The following EPHA4 variants were observed in gnomAD, a reference collection of about 807,000 sequenced individuals.
EPHA4 encodes ephrin type-A receptor 4.
In EPHA4, 19 loss-of-function variants were observed where a neutral mutation model predicts 108.3. The observed-to-expected ratio is 0.18, with a 90% CI of 0.12 to 0.26. EPHA4 has a LOEUF of 0.26. Among genes scored for constraint, EPHA4 ranks in the 10% least tolerant of loss-of-function variants. The pLI is 1.00. For missense variants in EPHA4, 917 were observed against 1,254.0 expected, an observed-to-expected ratio of 0.73 and a Z score of 4.06; for synonymous variants, 449 against 455.5, an observed-to-expected ratio of 0.99 and a Z score of 0.18.
chr2:221,488,916 C>G (rs1692058060), intron 4 of EPHA4, among the ~76,000 whole-genome samples: 1 of 152,176 alleles, frequency 6.6e-6, no homozygotes, highest in African/African-American at 2.4e-5. Flanking sequence ...ATGGATTAGA[C>G]TAAAATTTAA....
intron 16 of EPHA4, 120 bp from the exon 17 acceptor site, chr2:221,426,262 G>C: frequency 9.5e-7 from 1 of 1,050,152 alleles, no homozygotes; most frequent in Non-Finnish European, 1.4e-6. Context: ...CAACAAGGCA[G>C]GTGTATTAAA....
Position 221,572,188 on chromosome 2 carries a change from T to G in EPHA4, c.61A>C (p.Thr21Pro). ...TTCGCGGGGTATACCCTGGAACCTG[T>G]GACAGCGTCGCAAATCCCGAAGAGA... is the stretch of plus-strand genomic sequence containing the variant. ...SCLFGICDAVTGSRVYPANEV... is the reference protein window; with the variant it reads ...SCLFGICDAVPGSRVYPANEV... Residue 21 changes from threonine (T) to proline (P), a missense_variant, in exon 1 of 18, where the codon ACA (threonine) becomes CCA (proline). Transcript: ENST00000281821. 1 of 1,614,118 alleles carries G rather than the reference T, an allele frequency of 6.2e-7. No individual in the cohort carries two copies.
chr2:221,493,110 T>C (rs971184159), intron 4 of EPHA4, among the ~76,000 whole-genome samples: 8 of 152,214 alleles, frequency 5.3e-5, no homozygotes, highest in Non-Finnish European at 1.2e-4. Flanking sequence ...CTTTTCTAAC[T>C]AGTCTTTCAC....
At chr2:221,509,358 A>T (rs1008533789) in intron 3 of EPHA4, among the ~76,000 whole-genome samples, 2 of 152,184 alleles carry the variant, frequency 1.3e-5, no homozygotes, top group Non-Finnish European at 2.9e-5. Context: ...AATTACTAAA[A>T]ACTTAAACTT....
intron 2 of EPHA4, among the ~76,000 whole-genome samples, chr2:221,566,674 G>A (rs1018025426): frequency 2.0e-5 from 3 of 151,350 alleles, no homozygotes; most frequent in African/African-American, 4.9e-5. Context: ...GTACTGGGTC[G>A]TATACAGTCA....
intron 8 of EPHA4, among the ~76,000 whole-genome samples, chr2:221,453,058 C>T (rs1159549868): frequency 1.3e-5 from 2 of 152,038 alleles, no homozygotes; most frequent in Non-Finnish European, 2.9e-5. Flanking sequence ...GTATTTAGGG[C>T]CACTTATACC....
At chr2:221,548,122 G>C (rs1694051316) in intron 3 of EPHA4, among the ~76,000 whole-genome samples, 1 of 152,164 alleles carries the variant, frequency 6.6e-6, no homozygotes, top group Non-Finnish European at 1.5e-5. Flanking sequence ...TTTCATGAAT[G>C]GGTTAGCACC....
At chr2:221,507,258 T>C (rs1692660097) in intron 3 of EPHA4, among the ~76,000 whole-genome samples, 1 of 152,192 alleles carries the variant, frequency 6.6e-6, no homozygotes, top group African/African-American at 2.4e-5. Flanking sequence ...AAAGTGCATG[T>C]TCTTGTCATC....
chr2:221,555,143 C>T (rs1031837953), intron 3 of EPHA4, among the ~76,000 whole-genome samples: 1 of 151,998 alleles, frequency 6.6e-6, no homozygotes, highest in Non-Finnish European at 1.5e-5. Flanking sequence ...GCAGGGGGGC[C>T]GGAGAGTGAC....
At chr2:221,525,849 T>C (rs114772734) in intron 3 of EPHA4, among the ~76,000 whole-genome samples, 173 of 152,284 alleles carry the variant, frequency 1.1e-3, no homozygotes, top group African/African-American at 4.0e-3. Flanking sequence ...CAAGTACTTT[T>C]AGGGACTGTG....
At chr2:221,565,146 C>G (rs971011261) in intron 2 of EPHA4, among the ~76,000 whole-genome samples, 4 of 152,132 alleles carry the variant, frequency 2.6e-5, no homozygotes, top group Admixed American at 6.5e-5. Context: ...AACAGACATG[C>G]TTTGCTTCTA....
chr2:221,473,132 G>A lies in EPHA4; in HGVS notation c.1318+9220C>T, dbSNP rs367866663. Among the ~76,000 whole-genome samples, 5 of 152,130 alleles carry A rather than the reference G, an allele frequency of 3.3e-5. No individual in the cohort carries two copies. The South Asian group carries it at 6.2e-4, about 19-fold the overall frequency. On this transcript the variant is annotated intron_variant, in intron 5 of 17. Coordinates refer to ENST00000281821, the MANE Select transcript of EPHA4 (RefSeq NM_004438.5). ...ACCATCTCTCGTTTTTATCATTGCC[G>A]TTTCAGGGGAGCCTGGGGAACCTCT... is the stretch of plus-strand genomic sequence containing the variant.
chr2:221,432,498 T>C (rs1182350888), intron 14 of EPHA4, among the ~76,000 whole-genome samples: 1 of 152,226 alleles, frequency 6.6e-6, no homozygotes, highest in Non-Finnish European at 1.5e-5. Flanking sequence ...TTAGGCTAGC[T>C]GCTTTCTTCC....
chr2:221,537,605 A>G (rs898394173), intron 3 of EPHA4, among the ~76,000 whole-genome samples: 1 of 152,196 alleles, frequency 6.6e-6, no homozygotes, highest in African/African-American at 2.4e-5. Context: ...CAGGGCCACA[A>G]AATAAGACCA....
intron 3 of EPHA4, among the ~76,000 whole-genome samples, chr2:221,522,092 G>A (rs1044903504): frequency 6.6e-6 from 1 of 152,178 alleles, no homozygotes; most frequent in Non-Finnish European, 1.5e-5. Flanking sequence ...ACTAGGCCAG[G>A]CACTTCAAAT....
Position 221,501,042 on chromosome 2 carries a change from G to C in EPHA4, c.954C>G (p.Asn318Lys), listed in dbSNP as rs185878065. Residue 318 changes from asparagine to lysine, a missense_variant, in exon 4 of 18, where the codon AAC becomes AAG. Coordinates refer to ENST00000281821, the MANE Select transcript of EPHA4 (RefSeq NM_004438.5). ...TCDRGFFRAD[N>K]DAASMPCTRP... ...GGGTGCAGGGCATAGAGGCAGCATCGTTGTCAGCTCTGAAAAAGCCTCGGT... is the reference window on the plus strand; with the variant it reads ...GGGTGCAGGGCATAGAGGCAGCATCCTTGTCAGCTCTGAAAAAGCCTCGGT... 2 of 1,612,064 alleles carry C rather than the reference G, an allele frequency of 1.2e-6. No homozygotes were observed. The highest frequency in any genetic ancestry group is 2.2e-5 in the East Asian group (1 of 44,812).
At chr2:221,530,217 C>T (rs1693465641) in intron 3 of EPHA4, among the ~76,000 whole-genome samples, 2 of 150,690 alleles carry the variant, frequency 1.3e-5, no homozygotes, top group Admixed American at 6.6e-5. Context: ...AAATCTTTTA[C>T]GATGTAATTT....
chr2:221,471,360 G>T (rs1480070469), intron 5 of EPHA4, among the ~76,000 whole-genome samples: 1 of 152,102 alleles, frequency 6.6e-6, no homozygotes, highest in African/African-American at 2.4e-5. Flanking sequence ...TCCACCCAAA[G>T]AAGTCAGTAT....
At chr2:221,457,151 G>T (rs1234430567) in intron 6 of EPHA4, among the ~76,000 whole-genome samples, 1 of 152,152 alleles carries the variant, frequency 6.6e-6, no homozygotes, top group Non-Finnish European at 1.5e-5. Flanking sequence ...AATGTAAAAT[G>T]TGTTGTAACA....
Sources: allele counts gnomAD v4.1 joint callset (sites outside exome capture counted in the v4.1 genomes callset), GRCh38; gene constraint gnomAD v4.1.1; transcripts MANE v1.5; gene names NCBI Gene and HGNC (gene_info 2026-07-23, HGNC 2026-07-21).